Variants in ITGB6 observed in about 807,000 individuals in gnomAD.
ITGB6 encodes integrin beta-6.
A neutral mutation model predicts 84.5 loss-of-function variants in ITGB6; 80 were observed. The observed-to-expected ratio is 0.95, with a 90% CI of 0.79 to 1.14. ITGB6 has a LOEUF of 1.14. ITGB6 is among the 50% of genes most tolerant of loss of function. The pLI is 0.00. For missense variants in ITGB6, 1,006 were observed against 968.0 expected (o/e 1.04, Z -0.52); for synonymous variants, 383 against 354.9 (o/e 1.08, Z -0.89).
At chr2:160,153,798 A>G (rs1684518711) in intron 7 of ITGB6, among the ~76,000 whole-genome samples, 1 of 152,240 alleles carries the variant, frequency 6.6e-6, no homozygotes, top group Non-Finnish European at 1.5e-5. Context: ...TTCTCAAAAG[A>G]AGACATTTAT....
intron 10 of ITGB6, among the ~76,000 whole-genome samples, chr2:160,130,471 T>C (rs942463909): frequency 6.6e-6 from 1 of 152,156 alleles, no homozygotes; most frequent in African/African-American, 2.4e-5. Flanking sequence ...TTACTGTAAG[T>C]CGAGCAACAC....
At chr2:160,104,885 C>A (rs983305283) in intron 14 of ITGB6, among the ~76,000 whole-genome samples, 4 of 152,130 alleles carry the variant, frequency 2.6e-5, no homozygotes, top group Admixed American at 2.6e-4. Flanking sequence ...GAGTGAAGAC[C>A]TTTCTGTCTT....
intron 2 of ITGB6, among the ~76,000 whole-genome samples, chr2:160,196,999 C>T (rs559646220): frequency 1.3e-5 from 2 of 152,126 alleles, no homozygotes; most frequent in Non-Finnish European, 2.9e-5. Context: ...TTGTATGCAT[C>T]GGTCTGTTAC....
rs1245816520 is a variant in ITGB6 at position 160,145,502 on chromosome 2, C to T, written c.1018-3431G>A. Among the ~76,000 whole-genome samples, 6 of 152,200 alleles carry T rather than the reference C, an allele frequency of 3.9e-5. No individual in the cohort carries two copies. In the South Asian group the frequency reaches 6.2e-4, roughly 16 times the overall value. On this transcript the variant is annotated intron_variant, in intron 7 of 14. Transcript: ENST00000283249. ...ATATCCAACAGTCTGCATTTGTTCC[C>T]TGGAATTCTCCTCTTTGTGGAAGAG...
chr2:160,137,279 A>G (rs1417463749), intron 10 of ITGB6, among the ~76,000 whole-genome samples, 155 bp downstream of exon 10: 1 of 152,188 alleles, frequency 6.6e-6, no homozygotes, highest in Admixed American at 6.5e-5. Context: ...CAGAAAACCT[A>G]CAAGAGAAGA....
intron 4 of ITGB6, among the ~76,000 whole-genome samples, chr2:160,191,072 A>T (rs2105893164): frequency 6.6e-6 from 1 of 152,336 alleles, no homozygotes; most frequent in East Asian, 1.9e-4. Context: ...CTGATTTTAA[A>T]AATGGGGCCA....
chr2:160,198,575 C>T (rs1686433843), intron 2 of ITGB6, among the ~76,000 whole-genome samples: 2 of 152,352 alleles, frequency 1.3e-5, no homozygotes, highest in South Asian at 4.1e-4. Context: ...AGTCCCCAAT[C>T]ATCTTCATAC....
At position 160,126,379 on chromosome 2, in the gene ITGB6, C is replaced by T. The variant is rs1261784033; in HGVS notation, c.1883G>A (p.Arg628Gln). 3.5e-5 allele frequency: 56 copies of T among 1,613,310 alleles called. No homozygotes were observed. The Admixed American group carries it at 8.7e-4, about 25-fold the overall frequency. The change falls in exon 11 of 15, where the codon CGG (arginine) becomes CAG (glutamine). Residue 628 changes from arginine to glutamine, a missense_variant and splice_region_variant. Coordinates refer to ENST00000283249, the MANE Select transcript of ITGB6 (RefSeq NM_000888.5). Reference sequence around the variant, plus strand: ...GAATGGAGAAAAGCAGAGACATTACCGTTTAGAGTTACAGGGGTCACCACA... The same window carrying T: ...GAATGGAGAAAAGCAGAGACATTACTGTTTAGAGTTACAGGGGTCACCACA... Reference protein sequence around the residue: ...PTCGDPCNSKRSCIECHLSAA... With the variant: ...PTCGDPCNSKQSCIECHLSAA...
intron 2 of ITGB6, among the ~76,000 whole-genome samples, chr2:160,197,550 T>C (rs1686392274): frequency 6.6e-6 from 1 of 152,240 alleles, no homozygotes; most frequent in Non-Finnish European, 1.5e-5. Flanking sequence ...ACAAAACCAA[T>C]GCTCATACTA....
At chr2:160,186,262 A>C (rs1440542356) in intron 4 of ITGB6, among the ~76,000 whole-genome samples, 6 of 128,350 alleles carry the variant, frequency 4.7e-5, no homozygotes, top group Non-Finnish European at 9.8e-5. Context: ...AAAGAACTTA[A>C]ACAAATTTCC....
At chr2:160,151,157 A>G (rs1684399763) in intron 7 of ITGB6, among the ~76,000 whole-genome samples, 1 of 152,306 alleles carries the variant, frequency 6.6e-6, no homozygotes, top group Middle Eastern at 3.4e-3. Context: ...TCTCAGCACC[A>G]CATTGCACTT....
intron 7 of ITGB6, among the ~76,000 whole-genome samples, chr2:160,164,282 GA>G (rs1165552432): frequency 1.3e-5 from 2 of 152,252 alleles, no homozygotes; most frequent in African/African-American, 4.8e-5. Flanking sequence ...ATATGTTTGA[GA>G]AATGAAGGAA....
At chr2:160,176,966 TC>T (rs1685442114) in intron 4 of ITGB6, among the ~76,000 whole-genome samples, 1 of 152,218 alleles carries the variant, frequency 6.6e-6, no homozygotes, top group South Asian at 2.1e-4. Context: ...CTATTCCATA[TC>T]CTTGCTTAAA....
intron 7 of ITGB6, among the ~76,000 whole-genome samples, chr2:160,150,852 C>A (rs1369087345): frequency 6.6e-6 from 1 of 152,038 alleles, no homozygotes; most frequent in East Asian, 1.9e-4. Flanking sequence ...TCAAAAGAGA[C>A]AAAGAAGGCC....
At chr2:160,179,390 CTT>C (rs71297445) in intron 4 of ITGB6, among the ~76,000 whole-genome samples, 5 of 131,160 alleles carry the variant, frequency 3.8e-5, no homozygotes, top group South Asian at 2.5e-4. Context: ...TTTTCTTTTT[CTT>C]TTTTTTTTTT....
chr2:160,185,329 A>G (rs1019135872), intron 4 of ITGB6, among the ~76,000 whole-genome samples: 1 of 152,212 alleles, frequency 6.6e-6, no homozygotes, highest in Non-Finnish European at 1.5e-5. Context: ...ATTCCTATAC[A>G]CCAATAACAG....
intron 7 of ITGB6, among the ~76,000 whole-genome samples, chr2:160,163,212 G>A (rs1238172389): frequency 6.6e-6 from 1 of 152,122 alleles, no homozygotes; most frequent in Non-Finnish European, 1.5e-5. Context: ...CAAATTAACA[G>A]CAATAGGGAA....
chr2:160,180,756 G>A (rs569762945), intron 4 of ITGB6, among the ~76,000 whole-genome samples: 3 of 152,174 alleles, frequency 2.0e-5, no homozygotes, highest in African/African-American at 7.2e-5. Flanking sequence ...AACGCAGAAG[G>A]CAGGTGATTT....
intron 4 of ITGB6, 105 bp downstream of exon 4, chr2:160,195,264 C>T: frequency 7.0e-7 from 1 of 1,421,854 alleles, no homozygotes; most frequent in South Asian, 1.3e-5. Flanking sequence ...CCAGACAAGG[C>T]AGAAATGCCA....
Sources: allele counts gnomAD v4.1 joint callset (sites outside exome capture counted in the v4.1 genomes callset), GRCh38; gene constraint gnomAD v4.1.1; transcripts MANE v1.5; gene names NCBI Gene and HGNC (gene_info 2026-07-23, HGNC 2026-07-21).